Variants in PTPRT observed in about 807,000 individuals in gnomAD.
PTPRT encodes protein tyrosine phosphatase receptor type T, also known as receptor-type tyrosine-protein phosphatase T.
Under a neutral mutation model 176.8 loss-of-function variants are expected in PTPRT, and 56 were observed. The ratio of observed to expected loss-of-function variants is 0.32; its 90% confidence interval spans 0.26 to 0.40. The LOEUF (loss-of-function observed/expected upper bound fraction) is 0.40, where lower values mean the gene tolerates loss of function less well. Among genes scored for constraint, PTPRT ranks in the 10% least tolerant of loss-of-function variants. PTPRT has a pLI of 1.00. For synonymous variants in PTPRT, 783 were observed against 739.0 expected, an observed-to-expected ratio of 1.06 and a Z score of -0.96; for missense variants, 1,540 against 1,908.2, an observed-to-expected ratio of 0.81 and a Z score of 3.60.
At position 42,073,816 on chromosome 20, in the gene PTPRT, A is replaced by G. The variant is rs1732556863; in HGVS notation, c.*7063T>C. ...TCTACAGGTATGAATGAGTTCAAAC[A>G]TGATCCCAGCTCCACAAGATCTCAC... On this transcript the variant is annotated 3_prime_UTR_variant, in exon 31 of 31. Coordinates refer to ENST00000373187, the MANE Select transcript of PTPRT (RefSeq NM_007050.6). 2 of 225,266 alleles carry G rather than the reference A, an allele frequency of 8.9e-6. No homozygotes were observed. Among genetic ancestry groups the G allele is most frequent in the South Asian group, 3.7e-4 (2 of 5,464 alleles). The allele number at this position is 225,266 out of a possible 1,614,324, so 14.0% of individuals were successfully genotyped here.
intron 7 of PTPRT, among the ~76,000 whole-genome samples, chr20:42,488,395 C>T (rs938460793): frequency 3.3e-5 from 5 of 152,170 alleles, no homozygotes; most frequent in African/African-American, 1.2e-4. Context: ...TTCATCCAAC[C>T]TTTGGTATTA....
At chr20:42,829,729 G>A (rs2078055062) in intron 2 of PTPRT, among the ~76,000 whole-genome samples, 1 of 152,090 alleles carries the variant, frequency 6.6e-6, no homozygotes, top group South Asian at 2.1e-4. Flanking sequence ...AGAGAGAGTA[G>A]ATCCAAATAA....
chr20:43,169,660 G>T (rs1340997731), intron 1 of PTPRT, among the ~76,000 whole-genome samples: 2 of 151,912 alleles, frequency 1.3e-5, no homozygotes, highest in African/African-American at 4.9e-5. Flanking sequence ...TAAAAGGATA[G>T]GTTACAGGTT....
chr20:43,147,348 G>A (rs1292159753), intron 1 of PTPRT, among the ~76,000 whole-genome samples: 2 of 152,118 alleles, frequency 1.3e-5, no homozygotes, highest in East Asian at 1.9e-4. Context: ...AAATGGACAC[G>A]AGGATAATCC....
At chr20:42,714,592 C>T (rs2076195467) in intron 6 of PTPRT, among the ~76,000 whole-genome samples, 1 of 152,184 alleles carries the variant, frequency 6.6e-6, no homozygotes, top group Non-Finnish European at 1.5e-5. Flanking sequence ...AACTTGGTAT[C>T]CTGCCAAAAC....
intron 6 of PTPRT, among the ~76,000 whole-genome samples, chr20:42,717,873 G>GTGT (rs1042774818): frequency 1.2e-3 from 184 of 152,316 alleles, no homozygotes; most frequent in African/African-American, 4.3e-3. Flanking sequence ...TCACCTGTGT[G>GTGT]TGTGTGTGTG....
chr20:42,436,009 A>G (rs1404430437), intron 9 of PTPRT, among the ~76,000 whole-genome samples: 1 of 152,180 alleles, frequency 6.6e-6, no homozygotes. Context: ...AGGGAAGGAG[A>G]GACTGTAAAA....
Position 42,080,520 on chromosome 20 carries a change from A to T in PTPRT, c.*359T>A, listed in dbSNP as rs1983217737. On this transcript the variant is annotated 3_prime_UTR_variant, in exon 31 of 31. Coordinates refer to ENST00000373187, the MANE Select transcript of PTPRT (RefSeq NM_007050.6). ...GAGAAGGAGGGCAGGGGAGCCTCCC[A>T]CTCCCCAGCACCTGCACAGTTGGCT... 7.4e-6 allele frequency: 2 copies of T among 268,910 alleles called. No individual in the cohort carries two copies. Among genetic ancestry groups the T allele is most frequent in the South Asian group, 2.0e-4 (2 of 9,790 alleles). The allele number at this position is 268,910 out of a possible 1,614,324, so 16.7% of individuals were successfully genotyped here.
intron 27 of PTPRT, among the ~76,000 whole-genome samples, chr20:42,093,212 G>C (rs1984821747): frequency 6.6e-6 from 1 of 152,166 alleles, no homozygotes; most frequent in Non-Finnish European, 1.5e-5. Context: ...GTGGTCCGTA[G>C]AGACCACAAA....
intron 11 of PTPRT, among the ~76,000 whole-genome samples, chr20:42,325,065 T>C (rs910442468): frequency 1.4e-4 from 22 of 152,164 alleles, no homozygotes; most frequent in African/African-American, 4.8e-4. Flanking sequence ...ACCTGGCCAC[T>C]GGGTACTGGG....
rs191902382 is a variant in PTPRT at position 42,611,967 on chromosome 20, A to G, written c.1153+65899T>C. 3.0e-3 allele frequency among the ~76,000 whole-genome samples: 452 copies of G among 152,184 alleles called. 3 individuals carry two copies. Among genetic ancestry groups the G allele is most frequent in the African/African-American group, 0.01 (436 of 41,532 alleles). ...AGGAAATCTCCCTTTGGTTCAAAAA[A>G]TCGTAATGAACAGGACCCTAAACAA... On this transcript the variant is annotated intron_variant, in intron 7 of 30. Transcript: ENST00000373187.
chr20:42,369,956 C>T (rs959404274), intron 9 of PTPRT, among the ~76,000 whole-genome samples: 2 of 152,192 alleles, frequency 1.3e-5, no homozygotes, highest in Admixed American at 1.3e-4. Flanking sequence ...CTTTTCCTTG[C>T]TCTTTCCTCA....
At chr20:43,073,488 C>CACAT (rs2011209910) in intron 1 of PTPRT, among the ~76,000 whole-genome samples, 1 of 150,798 alleles carries the variant, frequency 6.6e-6, no homozygotes, top group East Asian at 2.0e-4. Context: ...TATACACACA[C>CACAT]ACACACGTGT....
At chr20:42,222,888 C>G (rs950666383) in intron 15 of PTPRT, among the ~76,000 whole-genome samples, 14 of 152,172 alleles carry the variant, frequency 9.2e-5, no homozygotes, top group African/African-American at 3.4e-4. Flanking sequence ...ATTTCAGAGG[C>G]CCAGGCTTGT....
At chr20:42,954,021 T>G (rs1981450189) in intron 1 of PTPRT, among the ~76,000 whole-genome samples, 1 of 152,092 alleles carries the variant, frequency 6.6e-6, no homozygotes, top group Admixed American at 6.6e-5. Flanking sequence ...TGGACGAGTC[T>G]GGGAGATGTC....
chr20:43,034,228 T>C (rs1363665335), intron 1 of PTPRT, among the ~76,000 whole-genome samples: 2 of 152,144 alleles, frequency 1.3e-5, no homozygotes, highest in Non-Finnish European at 2.9e-5. Flanking sequence ...CACAATAGCT[T>C]CTCAGTACAA....
At chr20:42,113,467 G>T (rs1398004609) in intron 22 of PTPRT, among the ~76,000 whole-genome samples, 2 of 152,222 alleles carry the variant, frequency 1.3e-5, no homozygotes, top group Non-Finnish European at 2.9e-5. Context: ...CTTCTCTGGA[G>T]ACACGCCCTC....
chr20:43,087,863 A>G (rs1268508114), intron 1 of PTPRT, among the ~76,000 whole-genome samples: 3 of 152,176 alleles, frequency 2.0e-5, no homozygotes, highest in Non-Finnish European at 2.9e-5. Context: ...CAGTGGGGGC[A>G]CAACACAGAG....
chr20:42,492,761 A>G (rs1462718157), intron 7 of PTPRT, among the ~76,000 whole-genome samples: 1 of 152,126 alleles, frequency 6.6e-6, no homozygotes, highest in Non-Finnish European at 1.5e-5. Context: ...GCTCTGTGTT[A>G]TATGAATTAT....
Sources: allele counts gnomAD v4.1 joint callset (sites outside exome capture counted in the v4.1 genomes callset), GRCh38; gene constraint gnomAD v4.1.1; transcripts MANE v1.5; gene names NCBI Gene and HGNC (gene_info 2026-07-23, HGNC 2026-07-21).